Variants in CAST observed in about 807,000 individuals in gnomAD.
CAST encodes calpastatin.
In CAST, 76 loss-of-function variants were observed where a neutral mutation model predicts 119.6. That is an observed-to-expected ratio of 0.64 (90% confidence interval 0.53 to 0.77). The LOEUF (loss-of-function observed/expected upper bound fraction) is 0.77, where lower values mean the gene tolerates loss of function less well. CAST is among the 30% of genes least tolerant of loss of function. The pLI is 0.00. For missense variants in CAST, 953 were observed against 946.5 expected, an observed-to-expected ratio of 1.01 and a Z score of -0.09; for synonymous variants, 319 against 331.6, an observed-to-expected ratio of 0.96 and a Z score of 0.41.
intron 1 of CAST, among the ~76,000 whole-genome samples, chr5:96,592,222 C>T (rs985773362): frequency 6.6e-6 from 1 of 151,874 alleles, no homozygotes; most frequent in South Asian, 2.1e-4. Context: ...TAGCAGAGAC[C>T]ACCCTGTCTC....
In CAST at chr5:96,742,661, A is replaced by G. The variant is rs1284622869; in HGVS notation, c.1105A>G (p.Met369Val). 8.1e-6 allele frequency: 13 copies of G among 1,610,308 alleles called. No homozygotes were observed. Among genetic ancestry groups the G allele is most frequent in the African/African-American group, 1.3e-5 (1 of 74,986 alleles). ...EKKRKVEKDT[M>V]SDQALEALSA... The stretch of plus-strand genomic sequence containing the variant: ...GATTTTTTACTTTTAACAGGATACA[A>G]TGAGTGATCAAGCACTCGAGGCTCT... The change falls in exon 16 of 32, where the codon ATG becomes GTG. Residue 369 changes from methionine (M) to valine (V), a missense_variant. By Grantham distance (21) the Met-to-Val change is conservative. Coordinates refer to ENST00000675179, the MANE Select transcript of CAST (RefSeq NM_001750.7).
chr5:96,026,367 G>C, the CAST span, among the ~76,000 whole-genome samples: 2 of 152,152 alleles, frequency 1.3e-5, no homozygotes, highest in African/African-American at 4.8e-5. Flanking sequence ...AGCTCAGTAC[G>C]ATACTTGGAT....
the CAST span, among the ~76,000 whole-genome samples, chr5:96,520,175 T>A: frequency 2.0e-5 from 3 of 152,240 alleles, no homozygotes; most frequent in Non-Finnish European, 4.4e-5. Flanking sequence ...GTGATTTTCT[T>A]AAATACAATG....
chr5:96,325,974 C>T, the CAST span, among the ~76,000 whole-genome samples: 43 of 152,290 alleles, frequency 2.8e-4, no homozygotes, highest in African/African-American at 9.6e-4. Flanking sequence ...CATTCACCAA[C>T]GGTGTGCTAC....
chr5:96,294,983 C>T, the CAST span, among the ~76,000 whole-genome samples: 2 of 152,150 alleles, frequency 1.3e-5, no homozygotes, highest in Non-Finnish European at 2.9e-5. Flanking sequence ...AGGAAAGCTT[C>T]ATTAGTTGAT....
chr5:96,129,978 C>A, the CAST span, among the ~76,000 whole-genome samples: 3 of 149,716 alleles, frequency 2.0e-5, no homozygotes, highest in Admixed American at 1.3e-4. Context: ...AGATTACATA[C>A]AATTCCATAT....
chr5:96,177,671 G>A, the CAST span, among the ~76,000 whole-genome samples: 1 of 152,112 alleles, frequency 6.6e-6, no homozygotes, highest in Non-Finnish European at 1.5e-5. Context: ...GTTTTTCTTT[G>A]GTTAATTTCT....
At chr5:96,601,663 A>G (rs1000256308) in intron 1 of CAST, among the ~76,000 whole-genome samples, 2 of 151,920 alleles carry the variant, frequency 1.3e-5, no homozygotes, top group Admixed American at 6.6e-5. Flanking sequence ...TAATCTTTCT[A>G]CTCGATTGGT....
the CAST span, chr5:96,319,008 A>T: frequency 2.6e-5 from 4 of 152,228 alleles, no homozygotes; most frequent in Admixed American, 6.5e-5. Context: ...TAAAGAAAAG[A>T]CATTTATTTG....
At chr5:96,042,444 T>A in the CAST span, among the ~76,000 whole-genome samples, 1 of 152,168 alleles carries the variant, frequency 6.6e-6, no homozygotes, top group Non-Finnish European at 1.5e-5. Context: ...GCTACCCTAT[T>A]TATTCCCATA....
At chr5:96,572,192 C>T (rs561818416) in intron 1 of CAST, among the ~76,000 whole-genome samples, 7 of 145,538 alleles carry the variant, frequency 4.8e-5, no homozygotes, top group Non-Finnish European at 1.1e-4. Context: ...TTTCCGATGA[C>T]ACAATTTGTG....
At chr5:96,664,302 CAT>C (rs1237019161) in intron 1 of CAST, among the ~76,000 whole-genome samples, 3 of 149,842 alleles carry the variant, frequency 2.0e-5, no homozygotes, top group East Asian at 1.9e-4. Flanking sequence ...AGTGTGTGTG[CAT>C]ATATATATTT....
chr5:96,515,114 C>T, the CAST span, among the ~76,000 whole-genome samples: 1 of 152,022 alleles, frequency 6.6e-6, no homozygotes, highest in South Asian at 2.1e-4. Flanking sequence ...GTGGTTTGCC[C>T]AATACCCAAT....
At chr5:96,187,418 T>A in the CAST span, among the ~76,000 whole-genome samples, 1 of 152,192 alleles carries the variant, frequency 6.6e-6, no homozygotes, top group East Asian at 1.9e-4. Flanking sequence ...GTTCTCTAGT[T>A]CTTCTAGTTG....
chr5:96,205,386 G>A, the CAST span, among the ~76,000 whole-genome samples: 1 of 152,004 alleles, frequency 6.6e-6, no homozygotes, highest in Non-Finnish European at 1.5e-5. Context: ...TGTGTGTTAT[G>A]GGAGGGTAGT....
At chr5:95,987,117 C>G in the CAST span, among the ~76,000 whole-genome samples, 93 of 152,146 alleles carry the variant, frequency 6.1e-4, no homozygotes, top group East Asian at 0.011. Flanking sequence ...ACCTTCGGAC[C>G]CTTGCTGCCC....
At chr5:96,593,444 C>T (rs948225687) in intron 1 of CAST, among the ~76,000 whole-genome samples, 13 of 152,030 alleles carry the variant, frequency 8.6e-5, no homozygotes, top group African/African-American at 3.1e-4. Context: ...CTGAAGGGCC[C>T]CACACTTTAT....
the CAST span, among the ~76,000 whole-genome samples, chr5:96,009,325 T>A: frequency 6.6e-6 from 1 of 152,188 alleles, no homozygotes; most frequent in African/African-American, 2.4e-5. Context: ...AGGCAGATAC[T>A]CAGTAGTGGG....
the CAST span, chr5:96,393,430 C>T: frequency 1.0e-5 from 16 of 1,607,308 alleles, no homozygotes; most frequent in African/African-American, 1.3e-5. Context: ...TATTTATGGC[C>T]AGGCAAGCTA....
Sources: allele counts gnomAD v4.1 joint callset (sites outside exome capture counted in the v4.1 genomes callset), GRCh38; gene constraint gnomAD v4.1.1; transcripts MANE v1.5; gene names NCBI Gene and HGNC (gene_info 2026-07-23, HGNC 2026-07-21).